Variants in INPP4B observed in about 807,000 individuals in gnomAD.
INPP4B encodes inositol polyphosphate 4-phosphatase type II.
Under a neutral mutation model 122.5 loss-of-function variants are expected in INPP4B, and 55 were observed. The observed-to-expected ratio is 0.45, with a 90% CI of 0.36 to 0.56. The LOEUF is 0.56. Ranked by LOEUF, INPP4B falls within the 20% of genes least tolerant of loss-of-function variation. The pLI is 0.00. For synonymous variants in INPP4B, 403 were observed against 388.7 expected, an observed-to-expected ratio of 1.04 and a Z score of -0.43; for missense variants, 1,000 against 1,097.7, an observed-to-expected ratio of 0.91 and a Z score of 1.26.
chr4:142,659,830 T>A (rs964550549), intron 2 of INPP4B, among the ~76,000 whole-genome samples: 2 of 152,072 alleles, frequency 1.3e-5, no homozygotes, highest in Non-Finnish European at 2.9e-5. Flanking sequence ...GAGGACTCAA[T>A]TCCACAGCTT....
chr4:142,552,395 T>C (rs1237943313), intron 2 of INPP4B, among the ~76,000 whole-genome samples: 7 of 151,734 alleles, frequency 4.6e-5, no homozygotes, highest in African/African-American at 1.7e-4. Context: ...TAAACTAACC[T>C]AATTATATAG....
intron 14 of INPP4B, among the ~76,000 whole-genome samples, chr4:142,196,978 T>A (rs903547370): frequency 6.6e-6 from 1 of 151,372 alleles, no homozygotes; most frequent in Non-Finnish European, 1.5e-5. Flanking sequence ...TACAGAAAAT[T>A]AGCCGGGGGT....
Position 142,846,234 on chromosome 4 carries a change from G to GGCA in INPP4B, c.-282_-280dup, listed in dbSNP as rs1018225985. The stretch of plus-strand genomic sequence containing the variant: ...CTCTCCCGGAGGCGGAGTGGGGGGC[G>GGCA]GCAGCAGCAGCAGACACTTTTAGCC... On this transcript the variant is annotated 5_prime_UTR_variant, in exon 1 of 26. Transcript: ENST00000262992. The surrounding 1 kb of genome is among the most constrained non-coding windows in gnomAD (Gnocchi z 5.1). 30 of 152,852 alleles carry GGCA rather than the reference G, an allele frequency of 2.0e-4. No homozygotes were observed. Among genetic ancestry groups the GGCA allele is most frequent in the African/African-American group, 6.5e-4 (27 of 41,536 alleles). 9.5% of individuals were successfully genotyped at this position (152,852 alleles called of 1,614,324 possible). A position where few individuals can be genotyped will look rare whatever the true frequency, so the allele number is the denominator to read the frequency against.
intron 25 of INPP4B, among the ~76,000 whole-genome samples, chr4:142,045,778 G>T (rs1488935882): frequency 1.3e-5 from 2 of 152,132 alleles, no homozygotes; most frequent in Non-Finnish European, 2.9e-5. Context: ...TATTAATTAA[G>T]CATCTGCATT....
At chr4:142,545,333 C>T (rs997015850) in intron 2 of INPP4B, among the ~76,000 whole-genome samples, 1 of 152,016 alleles carries the variant, frequency 6.6e-6, no homozygotes, top group African/African-American at 2.4e-5. Context: ...CATAATGCTG[C>T]AATTAACCCT....
At chr4:142,496,396 C>T (rs1822572169) in intron 2 of INPP4B, among the ~76,000 whole-genome samples, 4 of 152,098 alleles carry the variant, frequency 2.6e-5, no homozygotes, top group South Asian at 4.1e-4. Context: ...AAATGTATTT[C>T]GTGAATATGT....
intron 1 of INPP4B, among the ~76,000 whole-genome samples, chr4:142,831,480 C>G (rs1782133429): frequency 6.6e-6 from 1 of 152,132 alleles, no homozygotes; most frequent in African/African-American, 2.4e-5. Flanking sequence ...CATTAATCTC[C>G]CCATAGGAGA....
At chr4:142,756,083 G>A (rs1210111066) in intron 1 of INPP4B, among the ~76,000 whole-genome samples, 1 of 152,012 alleles carries the variant, frequency 6.6e-6, no homozygotes, top group Non-Finnish European at 1.5e-5. Flanking sequence ...TTATTCTGGG[G>A]TATATGATAT....
At chr4:142,711,264 T>G (rs1417234708) in intron 2 of INPP4B, among the ~76,000 whole-genome samples, 1 of 152,138 alleles carries the variant, frequency 6.6e-6, no homozygotes, top group Non-Finnish European at 1.5e-5. Flanking sequence ...TATTTAAATA[T>G]ATAACTCCAG....
chr4:142,254,259 C>A (rs530776095), intron 11 of INPP4B, among the ~76,000 whole-genome samples: 1 of 151,588 alleles, frequency 6.6e-6, no homozygotes, highest in South Asian at 2.1e-4. Context: ...GGGGAAAAAG[C>A]AGAGCAGAAA....
intron 1 of INPP4B, among the ~76,000 whole-genome samples, chr4:142,790,611 G>T (rs1776409225): frequency 6.6e-6 from 1 of 151,628 alleles, no homozygotes; most frequent in African/African-American, 2.4e-5. Flanking sequence ...GATTTTCAAA[G>T]CCCAAGGCCT....
chr4:142,355,558 C>G (rs1783316983), intron 7 of INPP4B, among the ~76,000 whole-genome samples: 1 of 152,004 alleles, frequency 6.6e-6, no homozygotes, highest in Non-Finnish European at 1.5e-5. Flanking sequence ...AAAGTAGGCA[C>G]AGGCATGTTT....
At chr4:142,498,838 A>G (rs1580217803) in intron 2 of INPP4B, among the ~76,000 whole-genome samples, 1 of 152,268 alleles carries the variant, frequency 6.6e-6, no homozygotes, top group South Asian at 2.1e-4. Flanking sequence ...TTAAAAATAA[A>G]TAATTAATTG....
At position 142,462,649 on chromosome 4, in the gene INPP4B, A is replaced by T. The variant is rs1335272791; in HGVS notation, c.-127+14T>A. ...CAATGTGTTGATGTTACGTGTTGAGAATAACTCTTGTACCTGATTTATGTT... is the reference window on the plus strand; with the variant it reads ...CAATGTGTTGATGTTACGTGTTGAGTATAACTCTTGTACCTGATTTATGTT... On this transcript the variant is annotated intron_variant, in intron 3 of 25. Transcript: ENST00000262992. The T allele has an allele frequency of 2.6e-5, 4 of 152,196 alleles. No homozygotes were observed. Among genetic ancestry groups the T allele is most frequent in the Admixed American group, 2.6e-4 (4 of 15,278 alleles). 9.4% of individuals were successfully genotyped at this position (152,196 alleles called of 1,614,324 possible). A position where few individuals can be genotyped will look rare whatever the true frequency, so the allele number is the denominator to read the frequency against.
In INPP4B at chr4:142,526,624, T is replaced by C. The variant is rs578061810; in HGVS notation, c.-190-63898A>G. Among the ~76,000 whole-genome samples, 14 of 152,224 alleles carry C rather than the reference T, an allele frequency of 9.2e-5. No homozygotes were observed. In the South Asian group the frequency reaches 2.9e-3, roughly 32 times the overall value. On this transcript the variant is annotated intron_variant, in intron 2 of 25. Coordinates refer to ENST00000262992, the MANE Select transcript of INPP4B (RefSeq NM_001101669.3). ...ATATCACCTGGATTTTAAACTAGTG[T>C]GAACTTCTTTGTAACATCCGTAAAT...
intron 25 of INPP4B, among the ~76,000 whole-genome samples, chr4:142,079,862 C>G (rs1395816626): frequency 1.3e-5 from 2 of 152,058 alleles, no homozygotes; most frequent in Non-Finnish European, 2.9e-5. Flanking sequence ...TGTAGTCCAA[C>G]CTTATGTCAT....
At chr4:142,248,938 A>G (rs1293090735) in intron 11 of INPP4B, among the ~76,000 whole-genome samples, 1 of 152,022 alleles carries the variant, frequency 6.6e-6, no homozygotes, top group African/African-American at 2.4e-5. Flanking sequence ...TTAACATAAA[A>G]TGATATAGAC....
chr4:142,502,521 T>C (rs1268932184), intron 2 of INPP4B, among the ~76,000 whole-genome samples: 1 of 152,120 alleles, frequency 6.6e-6, no homozygotes, highest in African/African-American at 2.4e-5. Flanking sequence ...AGAGTTTCGC[T>C]CTTGTCACCC....
At chr4:142,469,815 T>G (rs1818479147) in intron 2 of INPP4B, among the ~76,000 whole-genome samples, 1 of 152,130 alleles carries the variant, frequency 6.6e-6, no homozygotes, top group African/African-American at 2.4e-5. Flanking sequence ...TTTATTACAA[T>G]TGAAATTGAT....
Sources: gnomAD v4.1 joint callset for allele counts (sites outside exome capture counted in the v4.1 genomes callset) on GRCh38, gnomAD v4.1.1 for gene constraint, Gnocchi (gnomAD v3.1) non-coding constraint, MANE v1.5 for transcripts, NCBI Gene and HGNC (gene_info 2026-07-23, HGNC 2026-07-21) for gene names.